The following DCAF8L2 variants were observed in gnomAD, a reference collection of about 807,000 sequenced individuals.
The protein encoded by DCAF8L2 is DDB1 and CUL4 associated factor 8 like 2.
For synonymous variants in DCAF8L2, 200 were observed against 190.9 expected (o/e 1.05, Z -0.39); for missense variants, 430 against 490.7 (o/e 0.88, Z 1.17).
intron 4 of DCAF8L2, among the ~76,000 whole-genome samples, chrX:27,724,327 A>G (rs914968894): frequency 9.0e-6 from 1 of 111,071 alleles, no homozygotes; most frequent in Non-Finnish European, 1.9e-5. Flanking sequence ...TACTGGATAC[A>G]TTTGATGTAA....
intron 2 of DCAF8L2, among the ~76,000 whole-genome samples, chrX:27,637,018 A>G (rs756762379): frequency 6.3e-5 from 7 of 111,883 alleles, no homozygotes; most frequent in African/African-American, 1.9e-4. Context: ...GAGATGCACT[A>G]TCACCTACTG....
At chrX:27,560,526 G>T in the DCAF8L2 span, among the ~76,000 whole-genome samples, 1 of 111,717 alleles carries the variant, frequency 9.0e-6, no homozygotes, top group Non-Finnish European at 1.9e-5. Context: ...TGATACTGAT[G>T]TAACGGTGAT....
chrX:27,533,266 C>A, the DCAF8L2 span, among the ~76,000 whole-genome samples: 2 of 104,712 alleles, frequency 1.9e-5, no homozygotes, highest in African/African-American at 6.9e-5. Flanking sequence ...GAAAGTCAAG[C>A]CTGGTGGTGT....
At chrX:27,723,942 TA>T (rs200536108) in intron 4 of DCAF8L2, among the ~76,000 whole-genome samples, 5 of 109,969 alleles carry the variant, frequency 4.5e-5, no homozygotes, top group African/African-American at 1.6e-4. Context: ...CATTTTAGAG[TA>T]AAAAAAACAA....
upstream of DCAF8L2, among the ~76,000 whole-genome samples, chrX:27,588,664 C>T (rs1925962380): frequency 9.0e-6 from 1 of 110,555 alleles, no homozygotes. Flanking sequence ...TACTTTTTAA[C>T]AGTAGCCATT....
chrX:27,656,707 G>A (rs1428674449), intron 2 of DCAF8L2, among the ~76,000 whole-genome samples: 5 of 111,457 alleles, frequency 4.5e-5, no homozygotes, highest in Non-Finnish European at 9.4e-5. Context: ...CTTTTCTTAG[G>A]ATTAGCAGAG....
chrX:27,514,433 G>T, the DCAF8L2 span, among the ~76,000 whole-genome samples: 1 of 108,833 alleles, frequency 9.2e-6, no homozygotes, highest in Non-Finnish European at 1.9e-5. Flanking sequence ...ACTTTGGGAG[G>T]CCAAGGCAGG....
chrX:27,702,166 T>C (rs1206514447), intron 3 of DCAF8L2, among the ~76,000 whole-genome samples: 1 of 109,959 alleles, frequency 9.1e-6, no homozygotes, highest in African/African-American at 3.3e-5. Flanking sequence ...AAATAGAAAA[T>C]CTGAGTAGAC....
chrX:27,615,563 T>C (rs866183672), intron 1 of DCAF8L2, among the ~76,000 whole-genome samples: 1 of 105,442 alleles, frequency 9.5e-6, no homozygotes. Context: ...AATCTATCTA[T>C]CTATATTTTC....
rs1316510433 is a variant in DCAF8L2 at position 27,597,365 on chromosome X, T to C, written c.-342+6925T>C. ...TCCTTGTGGTGCTTGTAGATTTCTTTTGAGCATCGGTTTCACTGTTTCACT... is the reference window on the plus strand; with the variant it reads ...TCCTTGTGGTGCTTGTAGATTTCTTCTGAGCATCGGTTTCACTGTTTCACT... On this transcript the variant is annotated intron_variant, in intron 1 of 4. Transcript: ENST00000451261. 3.6e-5 allele frequency among the ~76,000 whole-genome samples: 4 copies of C among 111,614 alleles called. No individual in the cohort carries two copies. In the East Asian group the frequency reaches 8.4e-4, roughly 23 times the overall value.
chrX:27,699,094 TA>T (rs1931035532), intron 3 of DCAF8L2, among the ~76,000 whole-genome samples: 1 of 111,612 alleles, frequency 9.0e-6, no homozygotes, highest in South Asian at 3.7e-4. Context: ...AATAAATAGC[TA>T]ATAAGCAAAG....
At chrX:27,744,589 A>G (rs1182764969) in intron 4 of DCAF8L2, among the ~76,000 whole-genome samples, 1 of 111,586 alleles carries the variant, frequency 9.0e-6, no homozygotes, top group Non-Finnish European at 1.9e-5. Context: ...ATATATTTTA[A>G]TGAACTAAGT....
At chrX:27,561,449 T>A in the DCAF8L2 span, among the ~76,000 whole-genome samples, 1 of 111,768 alleles carries the variant, frequency 8.9e-6, no homozygotes, top group Non-Finnish European at 1.9e-5. Context: ...ATATAATTCT[T>A]ATGTTATATA....
intron 2 of DCAF8L2, among the ~76,000 whole-genome samples, chrX:27,645,098 C>G (rs1337529613): frequency 2.7e-5 from 3 of 111,658 alleles, no homozygotes; most frequent in Non-Finnish European, 5.6e-5. Context: ...GATACCAAAA[C>G]CTGGCACAGA....
At chrX:27,622,010 A>AC (rs1927787130) in intron 1 of DCAF8L2, among the ~76,000 whole-genome samples, 15 of 109,980 alleles carry the variant, frequency 1.4e-4, no homozygotes, top group African/African-American at 5.0e-4. Flanking sequence ...CAACAACAAA[A>AC]AAAAAAGATG....
At chrX:27,703,131 TA>T (rs1931193698) in intron 3 of DCAF8L2, among the ~76,000 whole-genome samples, 1 of 111,516 alleles carries the variant, frequency 9.0e-6, no homozygotes, top group African/African-American at 3.3e-5. Context: ...GGAATAAATT[TA>T]ACAAAAGAAG....
chrX:27,619,933 A>G (rs1051126580), intron 1 of DCAF8L2, among the ~76,000 whole-genome samples: 3 of 112,141 alleles, frequency 2.7e-5, no homozygotes, highest in Non-Finnish European at 3.8e-5. Context: ...TTAATAAATA[A>G]TCTAAAAGAT....
chrX:27,653,958 G>C (rs759429057), intron 2 of DCAF8L2, among the ~76,000 whole-genome samples: 1 of 111,429 alleles, frequency 9.0e-6, no homozygotes. Context: ...AATTATTAAC[G>C]TGCATAAATA....
intron 1 of DCAF8L2, among the ~76,000 whole-genome samples, chrX:27,612,288 G>A (rs1927223477): frequency 9.0e-6 from 1 of 111,423 alleles, no homozygotes; most frequent in Admixed American, 9.6e-5. Flanking sequence ...TTTTTGATGG[G>A]GTTATTTGAT....
Sources: gnomAD v4.1 joint callset for allele counts (sites outside exome capture counted in the v4.1 genomes callset) on GRCh38, gnomAD v4.1.1 for gene constraint, MANE v1.5 for transcripts, NCBI Gene and HGNC (gene_info 2026-07-23, HGNC 2026-07-21) for gene names.